ZFR: variants seen among roughly 807,000 people sequenced by gnomAD.
ZFR encodes zinc finger RNA binding protein.
ZFR carries 19 observed loss-of-function variants against 130.7 expected under a neutral mutation model. The observed-to-expected ratio is 0.15, with a 90% CI of 0.10 to 0.21. The LOEUF (loss-of-function observed/expected upper bound fraction) is 0.21. Among genes scored for constraint, ZFR ranks in the 10% least tolerant of loss-of-function variants. ZFR has a pLI of 1.00. For synonymous variants in ZFR, 466 were observed against 456.9 expected (o/e 1.02, Z -0.25); for missense variants, 872 against 1,321.5 (o/e 0.66, Z 5.27).
chr5:32,397,376 G>T, intron 9 of ZFR, 38 bp from the exon 10 acceptor site: 2 of 1,602,912 alleles, frequency 1.2e-6, no homozygotes, highest in Non-Finnish European at 1.7e-6. Flanking sequence ...CATCATAGTT[G>T]AAGATTATAT....
At chr5:32,402,492 G>A (rs1362360125) in intron 8 of ZFR, among the ~76,000 whole-genome samples, 3 of 151,946 alleles carry the variant, frequency 2.0e-5, no homozygotes, top group Non-Finnish European at 2.9e-5. Flanking sequence ...AGGGCCATGC[G>A]TTGTGGTGCA....
chr5:32,355,479 TA>T lies in ZFR; in HGVS notation c.*280del, dbSNP rs750289525. 24 of 222,392 alleles carry T rather than the reference TA, an allele frequency of 1.1e-4. No homozygotes were observed. The highest frequency in any genetic ancestry group is 1.8e-4 in the Non-Finnish European group (21 of 115,742). The allele number at this position is 222,392 out of a possible 1,614,324, so 13.8% of individuals were successfully genotyped here. A position where few individuals can be genotyped will look rare whatever the true frequency, so the allele number is the denominator to read the frequency against. The stretch of plus-strand genomic sequence containing the variant: ...CACTAGTTAATAAAAGACACAAAAA[TA>T]GGGGGGGAAGCTAGGGCAACCAGAA... On this transcript the variant is annotated 3_prime_UTR_variant, in exon 20 of 20. Transcript: ENST00000265069.
At chr5:32,424,750 T>C (rs1307497706) in intron 2 of ZFR, among the ~76,000 whole-genome samples, 1 of 152,186 alleles carries the variant, frequency 6.6e-6, no homozygotes, top group African/African-American at 2.4e-5. Context: ...AATCATAGAA[T>C]GGTACTAGGC....
chr5:32,388,709 AG>A (rs1753094440), intron 12 of ZFR, 35 bp from the exon 13 acceptor site: 7 of 1,550,254 alleles, frequency 4.5e-6, no homozygotes, highest in Non-Finnish European at 6.1e-6. Flanking sequence ...TTTAAAAAAA[AG>A]TTTCCTGAGC....
At chr5:32,411,709 A>AGGGGG (rs201115882) in intron 5 of ZFR, among the ~76,000 whole-genome samples, 1 of 73,086 alleles carries the variant, frequency 1.4e-5, no homozygotes, top group African/African-American at 7.1e-5. Context: ...AAAAAAATTG[A>AGGGGG]GGGGGGGCGG....
intron 13 of ZFR, among the ~76,000 whole-genome samples, chr5:32,388,190 A>T (rs1182159860): frequency 2.6e-5 from 4 of 152,224 alleles, no homozygotes; most frequent in Admixed American, 6.5e-5. Context: ...AGCTGAGTAC[A>T]ACTGTAAAAC....
intron 17 of ZFR, among the ~76,000 whole-genome samples, chr5:32,374,784 A>G (rs1484163216): frequency 6.6e-6 from 1 of 152,156 alleles, no homozygotes; most frequent in Non-Finnish European, 1.5e-5. Context: ...TAAAGGAAAT[A>G]TAAATTGCCA....
Position 32,420,020 on chromosome 5 carries a change from T to G in ZFR, c.221A>C (p.His74Pro). The G allele has an allele frequency of 6.2e-7, 1 of 1,613,712 alleles. No individual in the cohort carries two copies. The change falls in exon 3 of 20, where the codon CAC becomes CCC. Residue 74 changes from histidine (H) to proline (P), a missense_variant. Around this residue, in one of 7 missense-constraint regions of ZFR, gnomAD observed 240 missense variants for 441.2 expected, o/e 0.54. Coordinates refer to ENST00000265069, the MANE Select transcript of ZFR (RefSeq NM_016107.5). ...YTVHQAPVAA[H>P]TVTAAYAPAA... ...TGGTGCATAGGCAGCAGTAACTGTG[T>G]GAGCAGCTACTGGAGCCTGATGGAC...
intron 2 of ZFR, among the ~76,000 whole-genome samples, chr5:32,443,677 C>A (rs1305816826): frequency 6.6e-6 from 1 of 152,272 alleles, no homozygotes; most frequent in Non-Finnish European, 1.5e-5. Flanking sequence ...GGGGAAGAAG[C>A]CCCACGGCGG....
At chr5:32,425,613 C>T (rs866652592) in intron 2 of ZFR, among the ~76,000 whole-genome samples, 12 of 152,278 alleles carry the variant, frequency 7.9e-5, no homozygotes, top group Non-Finnish European at 1.3e-4. Context: ...CTGCAACCTC[C>T]GCCTCCTAGG....
chr5:32,366,837 TA>T (rs1028417692), intron 17 of ZFR, among the ~76,000 whole-genome samples: 1 of 151,670 alleles, frequency 6.6e-6, no homozygotes, highest in Non-Finnish European at 1.5e-5. Flanking sequence ...ATTAAATGAT[TA>T]AAAAAATCAA....
chr5:32,444,114 T>A (rs1413856980), intron 2 of ZFR, 115 bp downstream of exon 2: 1 of 1,198,826 alleles, frequency 8.3e-7, no homozygotes. Context: ...GGGCCAGGCC[T>A]GCAGCGGGCC....
chr5:32,399,180 CAGA>C (rs1753385914), intron 9 of ZFR, among the ~76,000 whole-genome samples: 1 of 151,818 alleles, frequency 6.6e-6, no homozygotes, highest in Non-Finnish European at 1.5e-5. Flanking sequence ...GAGGCTGAGG[CAGA>C]AGAATTGCTT....
chr5:32,366,785 T>G (rs1752556345), intron 17 of ZFR, among the ~76,000 whole-genome samples: 1 of 152,036 alleles, frequency 6.6e-6, no homozygotes, highest in African/African-American at 2.4e-5. Flanking sequence ...GAGAATAACT[T>G]ATTAAGAATT....
intron 2 of ZFR, among the ~76,000 whole-genome samples, chr5:32,431,022 C>G (rs1358905263): frequency 1.3e-5 from 2 of 152,182 alleles, no homozygotes; most frequent in African/African-American, 4.8e-5. Context: ...GTGCAGTGAG[C>G]TGAAATTGCA....
chr5:32,436,111 A>G (rs1447535789), intron 2 of ZFR, among the ~76,000 whole-genome samples: 4 of 132,966 alleles, frequency 3.0e-5, no homozygotes, highest in Non-Finnish European at 6.4e-5. Flanking sequence ...CCCTGGTCCT[A>G]CCTTAAAGTT....
rs1264714261 is a variant in ZFR at position 32,388,698 on chromosome 5, A to G, written c.2143-24T>C. The G allele has an allele frequency of 1.3e-6, 2 of 1,561,394 alleles. 1 individual carries two copies. Among genetic ancestry groups the G allele is most frequent in the South Asian group, 2.4e-5 (2 of 82,666 alleles). On this transcript the variant is annotated intron_variant, in intron 12 of 19. Transcript: ENST00000265069. ...GGCTACAGAGAAACAAAGTTGCTCA[A>G]TTTAAAAAAAAGTTTCCTGAGCAAA...
chr5:32,390,415 A>C lies in ZFR; in HGVS notation c.2002T>G (p.Trp668Gly). ...TGTTGTTCTTCCTCCATTCTCCTCCAGTACATGTCCTCTTCATAACGTCTG... is the reference window on the plus strand; with the variant it reads ...TGTTGTTCTTCCTCCATTCTCCTCCCGTACATGTCCTCTTCATAACGTCTG... Reference protein sequence around the residue: ...EMRRYEEDMYWRRMEEEQHHW... With the variant: ...EMRRYEEDMYGRRMEEEQHHW... The change falls in exon 12 of 20, where the codon TGG (tryptophan) becomes GGG (glycine). Residue 668 changes from tryptophan to glycine, a missense_variant. By Grantham distance (184) the Trp-to-Gly change is radical. Around this residue, in one of 7 missense-constraint regions of ZFR, gnomAD observed 225 missense variants for 282.4 expected, o/e 0.80. Coordinates refer to ENST00000265069, the MANE Select transcript of ZFR (RefSeq NM_016107.5). The C allele has an allele frequency of 1.2e-6, 2 of 1,614,166 alleles. No individual in the cohort carries two copies. Among genetic ancestry groups the C allele is most frequent in the Non-Finnish European group, 1.7e-6 (2 of 1,180,012 alleles).
At chr5:32,397,066 C>T (rs1359341984) in intron 10 of ZFR, among the ~76,000 whole-genome samples, 153 bp downstream of exon 10, 1 of 152,190 alleles carries the variant, frequency 6.6e-6, no homozygotes, top group African/African-American at 2.4e-5. Flanking sequence ...AAACATCCAT[C>T]TGAGTCTACC....
Sources: gnomAD v4.1 joint callset for allele counts (sites outside exome capture counted in the v4.1 genomes callset) on GRCh38, gnomAD v4.1.1 for gene constraint, gnomAD v4.1.1 regional missense constraint, MANE v1.5 for transcripts, NCBI Gene and HGNC (gene_info 2026-07-23, HGNC 2026-07-21) for gene names.